MERTK: variants seen among roughly 807,000 people sequenced by gnomAD.
MERTK encodes MER proto-oncogene, tyrosine kinase, also known as tyrosine-protein kinase Mer.
Under a neutral mutation model 99.3 loss-of-function variants are expected in MERTK, and 69 were observed. The observed-to-expected ratio is 0.70, with a 90% CI of 0.57 to 0.85. The LOEUF (loss-of-function observed/expected upper bound fraction) is 0.85, where lower values mean the gene tolerates loss of function less well. Among genes scored for constraint, MERTK ranks in the 40% least tolerant of loss-of-function variants. MERTK has a pLI of 0.00. For synonymous variants in MERTK, 426 were observed against 467.6 expected (o/e 0.91, Z 1.15); for missense variants, 1,125 against 1,249.4 (o/e 0.90, Z 1.50).
chr2:111,946,606 T>C (rs917571671), intron 3 of MERTK, among the ~76,000 whole-genome samples: 2 of 152,232 alleles, frequency 1.3e-5, no homozygotes, highest in African/African-American at 4.8e-5. Context: ...GCACTCAGCC[T>C]TATACAAGGC....
chr2:111,913,957 T>C (rs1308133367), intron 1 of MERTK, among the ~76,000 whole-genome samples: 4 of 152,204 alleles, frequency 2.6e-5, no homozygotes, highest in African/African-American at 4.8e-5. Context: ...TTACTTGCTT[T>C]ATTGCATTGG....
At chr2:111,922,584 C>G (rs991535476) in intron 1 of MERTK, among the ~76,000 whole-genome samples, 4 of 152,228 alleles carry the variant, frequency 2.6e-5, no homozygotes, top group African/African-American at 9.6e-5. Context: ...AGGTGGCCAG[C>G]AGGCCAGGGT....
At chr2:111,974,769 C>CAAAAAAAAAAAAAAAAAAAA (rs35594851) in intron 6 of MERTK, among the ~76,000 whole-genome samples, 6 of 53,344 alleles carry the variant, frequency 1.1e-4, no homozygotes, top group Admixed American at 2.8e-4. Context: ...AGGTCCATCT[C>CAAAAAAAAAAAAAAAAAAAA]AAAAAAAAAA....
chr2:112,004,237 C>A (rs1377521118), intron 13 of MERTK, among the ~76,000 whole-genome samples: 2 of 152,142 alleles, frequency 1.3e-5, no homozygotes, highest in Admixed American at 6.6e-5. Context: ...CTGTCTTGCT[C>A]TCTCTCCTTC....
chr2:111,981,747 A>G (rs1676376914), intron 7 of MERTK, among the ~76,000 whole-genome samples: 1 of 139,162 alleles, frequency 7.2e-6, no homozygotes, highest in African/African-American at 3.4e-5. Context: ...GTACACACAC[A>G]CACACACACA....
chr2:112,023,125 T>C (rs1378074818), intron 18 of MERTK, among the ~76,000 whole-genome samples: 1 of 151,712 alleles, frequency 6.6e-6, no homozygotes, highest in African/African-American at 2.4e-5. Flanking sequence ...TAAAAAATAA[T>C]AAAATAAGGC....
chr2:111,968,110 T>G (rs1272383357), intron 5 of MERTK, 27 bp from the exon 6 acceptor site: 2 of 1,437,748 alleles, frequency 1.4e-6, no homozygotes, highest in Non-Finnish European at 2.0e-6. Context: ...TGTGTGTATG[T>G]GTGTGTGTGT....
chr2:111,990,273 C>G (rs1676590127), intron 8 of MERTK, among the ~76,000 whole-genome samples: 1 of 152,094 alleles, frequency 6.6e-6, no homozygotes, highest in Non-Finnish European at 1.5e-5. Flanking sequence ...TAAGGATATC[C>G]TTAGAGAAAA....
At chr2:112,021,329 A>G (rs895295594) in intron 16 of MERTK, 93 bp from the exon 17 acceptor site, 106 of 1,576,012 alleles carry the variant, frequency 6.7e-5, no homozygotes, top group Middle Eastern at 4.5e-4. Context: ...CTTTTGGTCA[A>G]TTATCATAAG....
chr2:112,009,194 CT>C (rs2104412353), intron 14 of MERTK, among the ~76,000 whole-genome samples: 1 of 152,336 alleles, frequency 6.6e-6, no homozygotes, highest in East Asian at 1.9e-4. Flanking sequence ...ATGATTGGCA[CT>C]GCAGAGAGAT....
At chr2:112,008,521 G>T (rs202206848) in intron 14 of MERTK, 46 bp downstream of exon 14, 187 of 1,407,552 alleles carry the variant, frequency 1.3e-4, no homozygotes, top group Non-Finnish European at 1.7e-4. Context: ...GGGCTCTGCT[G>T]ATCTGCTCTG....
At chr2:112,024,490 G>T (rs1677424202) in intron 18 of MERTK, among the ~76,000 whole-genome samples, 1 of 152,370 alleles carries the variant, frequency 6.6e-6, no homozygotes, top group Admixed American at 6.5e-5. Context: ...TGTGCCCTGG[G>T]TGTGCCAAGG....
chr2:111,972,726 A>G (rs1573611471), intron 6 of MERTK, among the ~76,000 whole-genome samples: 1 of 152,202 alleles, frequency 6.6e-6, no homozygotes, highest in African/African-American at 2.4e-5. Flanking sequence ...CAGGACACCC[A>G]GTTAAACTGC....
intron 4 of MERTK, among the ~76,000 whole-genome samples, chr2:111,948,326 T>C (rs904055434): frequency 6.6e-6 from 1 of 152,204 alleles, no homozygotes; most frequent in Admixed American, 6.5e-5. Context: ...TCCTTTGTCA[T>C]TGACTGGAGT....
rs1299859305 is a variant in MERTK at position 111,975,903 on chromosome 2, T to TG, written c.1144+431_1144+432insG. On this transcript the variant is annotated intron_variant, in intron 7 of 18. Transcript: ENST00000295408. Reference sequence around the variant, plus strand: ...AAGTCTGACACTACATGGAGATAGCTTCAGATCCCATAGGTTGAGGACTCA... The same window carrying TG: ...AAGTCTGACACTACATGGAGATAGCTGTCAGATCCCATAGGTTGAGGACTCA... 5.0e-3 allele frequency among the ~76,000 whole-genome samples: 759 copies of TG among 152,220 alleles called. 10 individuals carry two copies. The highest frequency in any genetic ancestry group is 0.018 in the African/African-American group (732 of 41,532).
At chr2:111,925,526 C>T (rs1239790009) in intron 1 of MERTK, among the ~76,000 whole-genome samples, 4 of 151,520 alleles carry the variant, frequency 2.6e-5, no homozygotes, top group Non-Finnish European at 1.5e-5. Context: ...TTGTCTCGAA[C>T]TCCTGACCTC....
chr2:111,913,028 C>G (rs1684281730), intron 1 of MERTK: 2 of 985,180 alleles, frequency 2.0e-6, no homozygotes, highest in African/African-American at 3.5e-5. Context: ...AGAAGACTGT[C>G]TAGGTAAAAG....
intron 2 of MERTK, among the ~76,000 whole-genome samples, chr2:111,940,001 C>G (rs1412726284): frequency 6.6e-6 from 1 of 152,100 alleles, no homozygotes; most frequent in East Asian, 1.9e-4. Context: ...CAGGTTCCCT[C>G]TGGGTCTGGG....
At chr2:111,939,654 ATTTTTTTTTTT>A (rs1184269274) in intron 2 of MERTK, among the ~76,000 whole-genome samples, 6 of 88,244 alleles carry the variant, frequency 6.8e-5, no homozygotes, top group Admixed American at 1.2e-4. Flanking sequence ...CTAATTTTTA[ATTTTTTTTTTT>A]TTTTTTTTTT....
Sources: allele counts gnomAD v4.1 joint callset (sites outside exome capture counted in the v4.1 genomes callset), GRCh38; gene constraint gnomAD v4.1.1; transcripts MANE v1.5; gene names NCBI Gene and HGNC (gene_info 2026-07-23, HGNC 2026-07-21).